Variants in PRUNE2 observed in about 807,000 individuals in gnomAD.
The protein encoded by PRUNE2 is prune homolog 2 with BCH domain, also known as protein prune homolog 2.
PRUNE2 carries 164 observed loss-of-function variants against 252.0 expected under a neutral mutation model. The ratio of observed to expected loss-of-function variants is 0.65; its 90% CI spans 0.57 to 0.74. The LOEUF (loss-of-function observed/expected upper bound fraction) is 0.74. Ranked by LOEUF, PRUNE2 falls within the 30% of genes least tolerant of loss-of-function variation. The pLI is 0.00. For missense variants in PRUNE2, 3,495 were observed against 3,711.0 expected, an observed-to-expected ratio of 0.94 and a Z score of 1.51; for synonymous variants, 1,292 against 1,350.2, an observed-to-expected ratio of 0.96 and a Z score of 0.94.
chr9:76,681,455 A>G (rs2043426475), intron 9 of PRUNE2, among the ~76,000 whole-genome samples: 1 of 151,872 alleles, frequency 6.6e-6, no homozygotes, highest in Non-Finnish European at 1.5e-5. Flanking sequence ...ACGATTAAAA[A>G]AAAAAAAAAA....
chr9:76,813,681 C>T (rs374688832), intron 6 of PRUNE2, among the ~76,000 whole-genome samples: 10 of 152,190 alleles, frequency 6.6e-5, no homozygotes, highest in South Asian at 4.1e-4. Flanking sequence ...ACTCATTCAT[C>T]GATTGCAATG....
Position 76,637,406 on chromosome 9 carries a change from G to T in PRUNE2, c.8963+12C>A. The T allele has an allele frequency of 6.2e-7, 1 of 1,612,524 alleles. No individual in the cohort carries two copies. The highest frequency in any genetic ancestry group is 8.5e-7 in the Non-Finnish European group (1 of 1,179,392). On this transcript the variant is annotated intron_variant, in intron 14 of 18. Transcript: ENST00000376718. ...AAATCAAAATAGTGATTAAATAATA[G>T]AGCCCACATACCGTCTGTCAATCAT... is the stretch of plus-strand genomic sequence containing the variant.
At chr9:76,868,282 A>T (rs750048477) in intron 1 of PRUNE2, among the ~76,000 whole-genome samples, 25 of 151,062 alleles carry the variant, frequency 1.7e-4, no homozygotes, top group Admixed American at 9.9e-4. Context: ...ACCATTCGAA[A>T]CTCTTCCACC....
intron 9 of PRUNE2, among the ~76,000 whole-genome samples, chr9:76,681,598 G>A (rs1481479368): frequency 6.6e-6 from 1 of 151,260 alleles, no homozygotes; most frequent in African/African-American, 2.4e-5. Context: ...TGAAGATCTC[G>A]ACTGTGTGGG....
chr9:76,818,988 T>C (rs1178509778), intron 6 of PRUNE2, among the ~76,000 whole-genome samples: 1 of 152,188 alleles, frequency 6.6e-6, no homozygotes, highest in Non-Finnish European at 1.5e-5. Flanking sequence ...CCATGGCTCA[T>C]GCCTGTAATC....
intron 6 of PRUNE2, among the ~76,000 whole-genome samples, chr9:76,725,675 A>G (rs1477749680): frequency 1.3e-5 from 2 of 152,186 alleles, no homozygotes; most frequent in East Asian, 3.8e-4. Context: ...ATTGGCATAT[A>G]TAGGGTAAAC....
At chr9:76,748,033 T>C (rs2050291758) in intron 6 of PRUNE2, among the ~76,000 whole-genome samples, 2 of 152,052 alleles carry the variant, frequency 1.3e-5, no homozygotes, top group Non-Finnish European at 2.9e-5. Context: ...CCCGACCTCA[T>C]GATCCACCCA....
chr9:76,808,116 T>G (rs914967396), intron 6 of PRUNE2, among the ~76,000 whole-genome samples: 3 of 152,222 alleles, frequency 2.0e-5, no homozygotes, highest in African/African-American at 7.2e-5. Flanking sequence ...AGGCAGAGGT[T>G]GCAGTGAGCC....
At chr9:76,897,626 G>A (rs2062920520) in intron 1 of PRUNE2, among the ~76,000 whole-genome samples, 1 of 151,644 alleles carries the variant, frequency 6.6e-6, no homozygotes, top group Admixed American at 6.6e-5. Flanking sequence ...GTGTTGGCTG[G>A]ACTGGTCTGG....
intron 4 of PRUNE2, among the ~76,000 whole-genome samples, chr9:76,833,012 A>G (rs2058751316): frequency 6.6e-6 from 1 of 152,152 alleles, no homozygotes; most frequent in African/African-American, 2.4e-5. Flanking sequence ...TCTATTTAAA[A>G]ATGAATCCAT....
intron 6 of PRUNE2, among the ~76,000 whole-genome samples, chr9:76,720,545 G>A (rs2047543978): frequency 6.6e-6 from 1 of 152,132 alleles, no homozygotes; most frequent in Non-Finnish European, 1.5e-5. Context: ...TAAAAGACTG[G>A]TCAAGTGCCT....
intron 6 of PRUNE2, chr9:76,760,154 T>A (rs145837618): frequency 9.8e-5 from 15 of 152,378 alleles, no homozygotes; most frequent in Admixed American, 4.6e-4. Flanking sequence ...TGCCTTCCTC[T>A]TCCCTGGGTA....
intron 1 of PRUNE2, among the ~76,000 whole-genome samples, chr9:76,903,503 A>C (rs1046304033): frequency 7.9e-5 from 12 of 152,232 alleles, no homozygotes; most frequent in Admixed American, 7.9e-4. Flanking sequence ...ATAAGGCTTA[A>C]GTAAAAATCA....
intron 9 of PRUNE2, among the ~76,000 whole-genome samples, chr9:76,669,941 T>G (rs10120866): frequency 0.014 from 2,183 of 152,264 alleles, 44 homozygotes; most frequent in African/African-American, 0.049. Flanking sequence ...TGCCAAGAGC[T>G]TCTTGCCCTC....
intron 9 of PRUNE2, among the ~76,000 whole-genome samples, chr9:76,666,368 T>C (rs2040172579): frequency 6.6e-6 from 1 of 152,218 alleles, no homozygotes; most frequent in Non-Finnish European, 1.5e-5. Flanking sequence ...TCCGGAGGCC[T>C]AACCATCTCC....
chr9:76,767,701 A>C (rs1308716976), intron 6 of PRUNE2, among the ~76,000 whole-genome samples: 4 of 152,084 alleles, frequency 2.6e-5, no homozygotes, highest in African/African-American at 9.7e-5. Context: ...ATTTTGTTTT[A>C]ATACATATCG....
chr9:76,660,085 T>TA (rs1023888037), intron 9 of PRUNE2, among the ~76,000 whole-genome samples: 15 of 152,000 alleles, frequency 9.9e-5, no homozygotes, highest in South Asian at 4.2e-4. Context: ...TTTCCAAGCT[T>TA]AAAAAAATAA....
chr9:76,821,531 A>C (rs1316728588), intron 6 of PRUNE2, among the ~76,000 whole-genome samples: 1 of 152,180 alleles, frequency 6.6e-6, no homozygotes, highest in Non-Finnish European at 1.5e-5. Context: ...AGGAAGATAC[A>C]GGATGTTACT....
chr9:76,885,998 C>T lies in PRUNE2; in HGVS notation c.36+19930G>A, dbSNP rs371314278. ...ATCAAGACCATCCTGGCCAACATGGCGAAACCCCGTCTCTACTAAAAATAC... is the reference window on the plus strand; with the variant it reads ...ATCAAGACCATCCTGGCCAACATGGTGAAACCCCGTCTCTACTAAAAATAC... On this transcript the variant is annotated intron_variant, in intron 1 of 18. Transcript: ENST00000376718. Among the ~76,000 whole-genome samples, 22 of 150,490 alleles carry T rather than the reference C, an allele frequency of 1.5e-4. No individual in the cohort carries two copies. The South Asian group carries it at 2.3e-3, about 16-fold the overall frequency.
Sources: gnomAD v4.1 joint callset for allele counts (sites outside exome capture counted in the v4.1 genomes callset) on GRCh38, gnomAD v4.1.1 for gene constraint, MANE v1.5 for transcripts, NCBI Gene and HGNC (gene_info 2026-07-23, HGNC 2026-07-21) for gene names.